Variants in ANXA3 observed in about 807,000 individuals in gnomAD.
ANXA3 encodes 35-alpha calcimedin.
ANXA3 carries 46 observed loss-of-function variants against 48.8 expected under a neutral mutation model. The observed-to-expected ratio is 0.94, with a 90% confidence interval of 0.74 to 1.21. The LOEUF is 1.21. Ranked by LOEUF, ANXA3 falls within the 50% of genes most tolerant of loss-of-function variation. ANXA3 has a pLI of 0.00. For synonymous variants in ANXA3, 128 were observed against 134.7 expected (o/e 0.95, Z 0.35); for missense variants, 383 against 378.6 (o/e 1.01, Z -0.10).
intron 7 of ANXA3, among the ~76,000 whole-genome samples, chr4:78,594,528 C>T (rs751948523): frequency 6.6e-6 from 1 of 152,204 alleles, no homozygotes; most frequent in Non-Finnish European, 1.5e-5. Flanking sequence ...CCTGTTGCTC[C>T]ACATTCTCAC....
chr4:78,579,370 G>A (rs1197217219), intron 4 of ANXA3, among the ~76,000 whole-genome samples: 1 of 152,140 alleles, frequency 6.6e-6, no homozygotes, highest in African/African-American at 2.4e-5. Flanking sequence ...TTAGCCCAGT[G>A]GGTTCTAAAC....
At chr4:78,572,658 GA>G (rs1411615875) in intron 2 of ANXA3, among the ~76,000 whole-genome samples, 1 of 152,182 alleles carries the variant, frequency 6.6e-6, no homozygotes, top group Non-Finnish European at 1.5e-5. Flanking sequence ...CCAGTAGTCA[GA>G]AATGCAAAAG....
intron 2 of ANXA3, among the ~76,000 whole-genome samples, chr4:78,565,360 A>G (rs1327686321): frequency 1.3e-5 from 2 of 152,228 alleles, no homozygotes; most frequent in Non-Finnish European, 2.9e-5. Flanking sequence ...AGAGAGGAAC[A>G]TGACTCAGAT....
At chr4:78,562,394 G>A (rs532506936) in intron 2 of ANXA3, among the ~76,000 whole-genome samples, 28 of 152,222 alleles carry the variant, frequency 1.8e-4, no homozygotes, top group African/African-American at 6.3e-4. Flanking sequence ...AGTACCTCAC[G>A]TAGGTTCTGG....
chr4:78,590,882 T>G (rs947929417), intron 6 of ANXA3, among the ~76,000 whole-genome samples: 41 of 152,124 alleles, frequency 2.7e-4, no homozygotes, highest in Admixed American at 2.6e-3. Flanking sequence ...CAATTCTAAG[T>G]CTAGTATGAC....
At chr4:78,571,760 T>G (rs1380110788) in intron 2 of ANXA3, among the ~76,000 whole-genome samples, 1 of 152,220 alleles carries the variant, frequency 6.6e-6, no homozygotes, top group Non-Finnish European at 1.5e-5. Flanking sequence ...CTGTCCTTCT[T>G]TAGTCTCATA....
chr4:78,596,461 T>C (rs78655490), intron 9 of ANXA3, among the ~76,000 whole-genome samples: 11,367 of 152,244 alleles, frequency 0.075, 1,362 homozygotes, highest in African/African-American at 0.25. Flanking sequence ...AACTAAACCT[T>C]CATTTACTGT....
At chr4:78,564,023 A>C (rs141592918) in intron 2 of ANXA3, among the ~76,000 whole-genome samples, 34 of 152,372 alleles carry the variant, frequency 2.2e-4, no homozygotes, top group Non-Finnish European at 4.6e-4. Context: ...CAAAGAGATA[A>C]TCTACAAATA....
chr4:78,591,817 A>T (rs1473038873), intron 7 of ANXA3, among the ~76,000 whole-genome samples, 194 bp downstream of exon 7: 1 of 152,234 alleles, frequency 6.6e-6, no homozygotes, highest in Non-Finnish European at 1.5e-5. Context: ...ATACATAATG[A>T]TGTAACAACA....
rs994923350 is a variant in ANXA3, at chr4:78,566,375, T to C, written c.16-6805T>C. On this transcript the variant is annotated intron_variant, in intron 2 of 12. Transcript: ENST00000264908. ...AAAAGAAAAGCTGAACTATTCACAG[T>C]AGCAAAAATATGGAATAAAACTAAG... Among the ~76,000 whole-genome samples the C allele has an allele frequency of 6.0e-5, 9 of 150,640 alleles. No individual in the cohort carries two copies. The South Asian group carries it at 8.3e-4, about 14-fold the overall frequency.
chr4:78,566,206 A>G (rs1722727191), intron 2 of ANXA3, among the ~76,000 whole-genome samples: 3 of 152,154 alleles, frequency 2.0e-5, no homozygotes, highest in African/African-American at 7.2e-5. Context: ...CATGGAAAAT[A>G]CAACATCAAT....
rs1723086195 is a variant in ANXA3 at position 78,582,204 on chromosome 4, C to A, written c.226C>A (p.Leu76Ile). The A allele has an allele frequency of 6.2e-7, 1 of 1,612,924 alleles. No individual in the cohort carries two copies. The highest frequency in any genetic ancestry group is 1.1e-5 in the South Asian group (1 of 91,034). The change falls in exon 5 of 13, where the codon CTC becomes ATC. Residue 76 changes from leucine (L) to isoleucine (I), a missense_variant. Physicochemically the swap from Leu to Ile is conservative, Grantham distance 5. Coordinates refer to ENST00000264908, the MANE Select transcript of ANXA3 (RefSeq NM_005139.3). ...KELKDDLKGD[L>I]SGHFEHLMVA... The stretch of plus-strand genomic sequence containing the variant: ...GCTGAAAGATGACTTGAAGGGTGAT[C>A]TCTCTGGCCACTTTGAGCATCTCAT...
intron 12 of ANXA3, 145 bp downstream of exon 12, chr4:78,604,544 A>G (rs1723609548): frequency 1.6e-6 from 1 of 625,876 alleles, no homozygotes; most frequent in South Asian, 3.7e-5. Flanking sequence ...AGCTTAAAAT[A>G]GTAGCAGCAA....
chr4:78,590,089 G>A (rs918305046), intron 6 of ANXA3, among the ~76,000 whole-genome samples: 9 of 152,326 alleles, frequency 5.9e-5, no homozygotes, highest in Admixed American at 2.6e-4. Flanking sequence ...GGGAGAGGCT[G>A]TGTGAAATGA....
chr4:78,600,965 T>C (rs2109948764), intron 10 of ANXA3, among the ~76,000 whole-genome samples: 1 of 152,316 alleles, frequency 6.6e-6, no homozygotes, highest in Non-Finnish European at 1.5e-5. Flanking sequence ...TGAATTTAGA[T>C]GACAGATACT....
chr4:78,601,463 C>T, intron 10 of ANXA3, 47 bp from the exon 11 acceptor site: 1 of 1,569,020 alleles, frequency 6.4e-7, no homozygotes, highest in Non-Finnish European at 8.8e-7. Context: ...ATAGATTAAC[C>T]CAATTTCTAT....
At chr4:78,575,984 C>T (rs1176600112) in intron 3 of ANXA3, among the ~76,000 whole-genome samples, 2 of 152,230 alleles carry the variant, frequency 1.3e-5, no homozygotes, top group African/African-American at 4.8e-5. Flanking sequence ...TCTTCCTTTT[C>T]ACACTGATTT....
chr4:78,576,161 A>G (rs1033804414), intron 3 of ANXA3, among the ~76,000 whole-genome samples: 3 of 152,190 alleles, frequency 2.0e-5, no homozygotes, highest in African/African-American at 7.2e-5. Context: ...GCCCTCCTCT[A>G]TGAATTTTAA....
chr4:78,582,071 A>G (rs1723082000), intron 4 of ANXA3, 106 bp from the exon 5 acceptor site: 2 of 654,916 alleles, frequency 3.1e-6, no homozygotes, highest in Admixed American at 2.7e-5. Flanking sequence ...CTGTGGATGG[A>G]CATGTTTTGT....
Sources: gnomAD v4.1 joint callset for allele counts (sites outside exome capture counted in the v4.1 genomes callset) on GRCh38, gnomAD v4.1.1 for gene constraint, MANE v1.5 for transcripts, NCBI Gene and HGNC (gene_info 2026-07-23, HGNC 2026-07-21) for gene names.